LRMDA: variants seen among roughly 807,000 people sequenced by gnomAD.
LRMDA encodes the protein leucine rich melanocyte differentiation associated.
Under a neutral mutation model 29.8 loss-of-function variants are expected in LRMDA, and 18 were observed. The ratio of observed to expected loss-of-function variants is 0.60; its 90% CI spans 0.42 to 0.90. The LOEUF is 0.90. Ranked by LOEUF, LRMDA falls within the 40% of genes least tolerant of loss-of-function variation. LRMDA has a pLI of 0.00. For synonymous variants in LRMDA, 125 were observed against 109.4 expected (o/e 1.14, Z -0.89); for missense variants, 273 against 273.9 (o/e 1.00, Z 0.02).
intron 5 of LRMDA, among the ~76,000 whole-genome samples, chr10:76,160,657 A>T (rs899381358): frequency 1.3e-5 from 2 of 152,168 alleles, no homozygotes; most frequent in Non-Finnish European, 2.9e-5. Context: ...CGCCAAATTT[A>T]AAAAATTGGC....
intron 2 of LRMDA, among the ~76,000 whole-genome samples, chr10:75,871,015 T>C (rs1484442591): frequency 6.6e-6 from 1 of 152,198 alleles, no homozygotes; most frequent in East Asian, 1.9e-4. Context: ...TTGCTTAATC[T>C]GTGAGGATAT....
intron 2 of LRMDA, chr10:75,450,961 T>C (rs371918680): frequency 5.9e-5 from 9 of 152,242 alleles, no homozygotes; most frequent in South Asian, 4.1e-4. Flanking sequence ...GCAGCTGGCA[T>C]GTGATGCCGT....
At chr10:76,424,315 G>C (rs964513024) in intron 6 of LRMDA, among the ~76,000 whole-genome samples, 1 of 151,734 alleles carries the variant, frequency 6.6e-6, no homozygotes, top group Admixed American at 6.6e-5. Context: ...GGACCACGAG[G>C]TCAGGAGATT....
chr10:76,080,482 C>T (rs1475835731), intron 5 of LRMDA, among the ~76,000 whole-genome samples: 1 of 152,154 alleles, frequency 6.6e-6, no homozygotes, highest in African/African-American at 2.4e-5. Context: ...CCCAATGCAC[C>T]AGCACTCAGT....
chr10:76,154,956 A>G (rs554748849), intron 5 of LRMDA, among the ~76,000 whole-genome samples: 1 of 152,268 alleles, frequency 6.6e-6, no homozygotes, highest in South Asian at 2.1e-4. Flanking sequence ...TCTTAAGGAC[A>G]TTGCCTGGAT....
chr10:76,277,086 C>G (rs756043831), intron 5 of LRMDA, among the ~76,000 whole-genome samples: 6 of 152,162 alleles, frequency 3.9e-5, no homozygotes, highest in African/African-American at 1.4e-4. Flanking sequence ...CTCCAGCTCT[C>G]TCACTCTGGG....
chr10:76,190,371 G>A (rs1357572360), intron 5 of LRMDA, among the ~76,000 whole-genome samples: 4 of 152,150 alleles, frequency 2.6e-5, no homozygotes, highest in Admixed American at 6.5e-5. Context: ...GGGGTCTAGG[G>A]ATTAAATGAG....
At chr10:76,050,642 CA>C (rs1483373303) in intron 4 of LRMDA, among the ~76,000 whole-genome samples, 1 of 152,146 alleles carries the variant, frequency 6.6e-6, no homozygotes, top group Non-Finnish European at 1.5e-5. Flanking sequence ...AGGATTTGGG[CA>C]GGAAGAGAAC....
At chr10:76,507,869 C>T (rs1842974701) in intron 6 of LRMDA, among the ~76,000 whole-genome samples, 1 of 152,044 alleles carries the variant, frequency 6.6e-6, no homozygotes, top group Non-Finnish European at 1.5e-5. Context: ...TGTTTTTGTG[C>T]CAGTACCATG....
At position 75,668,559 on chromosome 10, in the gene LRMDA, G is replaced by A. The variant is rs151248456; in HGVS notation, c.131+230065G>A. ...GCCATGAAGACAAGGCTTTTTTGTC[G>A]GCTTTGTTTTCTCCTTTCATGGATA... On this transcript the variant is annotated intron_variant, in intron 2 of 6. Coordinates refer to ENST00000611255, the MANE Select transcript of LRMDA (RefSeq NM_001305581.2). Among the ~76,000 whole-genome samples, 495 of 152,198 alleles carry A rather than the reference G, an allele frequency of 3.3e-3. 3 individuals carry two copies. The highest frequency in any genetic ancestry group is 0.011 in the African/African-American group (462 of 41,520).
At chr10:76,414,578 T>C (rs1841995812) in intron 6 of LRMDA, among the ~76,000 whole-genome samples, 1 of 152,204 alleles carries the variant, frequency 6.6e-6, no homozygotes, top group Non-Finnish European at 1.5e-5. Flanking sequence ...AAGAATAATG[T>C]TGACTGGAGT....
chr10:76,420,872 A>G (rs1056917422), intron 6 of LRMDA, among the ~76,000 whole-genome samples: 7 of 152,098 alleles, frequency 4.6e-5, no homozygotes, highest in Non-Finnish European at 7.4e-5. Context: ...CATTCCGGTC[A>G]GAGAATATAC....
At chr10:75,630,630 T>G (rs915926931) in intron 2 of LRMDA, among the ~76,000 whole-genome samples, 1 of 152,162 alleles carries the variant, frequency 6.6e-6, no homozygotes, top group African/African-American at 2.4e-5. Flanking sequence ...TTTCCAAATC[T>G]CTCTGTCAGC....
chr10:76,044,453 T>C (rs1297973336), intron 3 of LRMDA, among the ~76,000 whole-genome samples: 1 of 150,382 alleles, frequency 6.6e-6, no homozygotes, highest in African/African-American at 2.4e-5. Context: ...TTTTTTTTTT[T>C]TTTCTTTTGT....
chr10:75,718,908 A>T (rs1842533162), intron 2 of LRMDA, among the ~76,000 whole-genome samples: 1 of 152,222 alleles, frequency 6.6e-6, no homozygotes, highest in African/African-American at 2.4e-5. Context: ...GAGGACAAAT[A>T]TCTCAGTCAA....
chr10:76,155,704 G>A (rs1850524568), intron 5 of LRMDA, among the ~76,000 whole-genome samples: 1 of 152,012 alleles, frequency 6.6e-6, no homozygotes, highest in Non-Finnish European at 1.5e-5. Flanking sequence ...TCACATCCAC[G>A]TTGATATTGT....
At chr10:76,428,802 C>T (rs893432519) in intron 6 of LRMDA, among the ~76,000 whole-genome samples, 1 of 152,136 alleles carries the variant, frequency 6.6e-6, no homozygotes, top group African/African-American at 2.4e-5. Context: ...TTCAGGACTG[C>T]TAAATCCCAG....
chr10:75,711,919 A>AACAC (rs146819347), intron 2 of LRMDA, among the ~76,000 whole-genome samples: 181 of 149,330 alleles, frequency 1.2e-3, no homozygotes, highest in African/African-American at 4.0e-3. Context: ...TTGAAGGTAA[A>AACAC]ACACACACAC....
intron 5 of LRMDA, among the ~76,000 whole-genome samples, chr10:76,307,642 T>C (rs1050292073): frequency 6.6e-6 from 1 of 152,162 alleles, no homozygotes; most frequent in Non-Finnish European, 1.5e-5. Context: ...GGAGATTCTT[T>C]CCAGGATAGG....
Sources: allele counts gnomAD v4.1 joint callset (sites outside exome capture counted in the v4.1 genomes callset), GRCh38; gene constraint gnomAD v4.1.1; transcripts MANE v1.5; gene names NCBI Gene and HGNC (gene_info 2026-07-23, HGNC 2026-07-21).